Variants in OCA2 observed in about 807,000 individuals in gnomAD.
The protein encoded by OCA2 is P protein.
A neutral mutation model predicts 100.2 loss-of-function variants in OCA2; 77 were observed. The ratio of observed to expected loss-of-function variants is 0.77; its 90% CI spans 0.64 to 0.93. OCA2 has a LOEUF of 0.93. OCA2 is among the 40% of genes least tolerant of loss of function. The probability of loss-of-function intolerance (pLI) is 0.00; values close to 1 mark genes in which losing one functional copy is unlikely to be tolerated. For synonymous variants in OCA2, 432 were observed against 439.2 expected (o/e 0.98, Z 0.21); for missense variants, 1,062 against 1,089.1 (o/e 0.98, Z 0.35).
chr15:27,768,792 G>A (rs1042937672), intron 23 of OCA2, among the ~76,000 whole-genome samples: 2 of 152,296 alleles, frequency 1.3e-5, no homozygotes, highest in African/African-American at 2.4e-5. Flanking sequence ...AGTGGCACAC[G>A]CCCGAGTTTC....
chr15:27,891,785 A>G (rs1055310644), intron 19 of OCA2, among the ~76,000 whole-genome samples: 2 of 152,236 alleles, frequency 1.3e-5, no homozygotes, highest in Non-Finnish European at 2.9e-5. Context: ...TAACATATCA[A>G]TAATTACCTT....
chr15:27,789,601 C>T (rs1255344399), intron 23 of OCA2, among the ~76,000 whole-genome samples: 2 of 152,160 alleles, frequency 1.3e-5, no homozygotes, highest in African/African-American at 2.4e-5. Flanking sequence ...ACTCAGCTTT[C>T]TATGCCCTCA....
intron 1 of OCA2, among the ~76,000 whole-genome samples, chr15:28,097,892 G>C (rs2045016126): frequency 6.6e-6 from 1 of 152,160 alleles, no homozygotes; most frequent in South Asian, 2.1e-4. Flanking sequence ...CAACCCCCCA[G>C]CCACAGTGAT....
intron 23 of OCA2, among the ~76,000 whole-genome samples, chr15:27,806,604 G>T (rs992249927): frequency 1.3e-5 from 2 of 152,254 alleles, no homozygotes; most frequent in African/African-American, 4.8e-5. Flanking sequence ...GCTTCCCGCC[G>T]TCCGCTGTGC....
chr15:27,859,577 G>T (rs2036058397), intron 21 of OCA2, among the ~76,000 whole-genome samples: 1 of 152,154 alleles, frequency 6.6e-6, no homozygotes, highest in African/African-American at 2.4e-5. Context: ...CTTCACTGGT[G>T]CATTCTACCA....
At chr15:28,091,547 AT>A (rs1212088314) in intron 1 of OCA2, among the ~76,000 whole-genome samples, 3 of 152,256 alleles carry the variant, frequency 2.0e-5, no homozygotes, top group African/African-American at 7.2e-5. Flanking sequence ...TGGAGCTACC[AT>A]ATGACCTAGC....
rs536582789 is a variant in OCA2 at position 27,941,810 on chromosome 15, A to G, written c.1951+9974T>C. 3.3e-5 allele frequency among the ~76,000 whole-genome samples: 5 copies of G among 152,362 alleles called. 1 individual carries two copies. Among genetic ancestry groups the G allele is most frequent in the African/African-American group, 1.2e-4 (5 of 41,588 alleles). ...AGCAAAAGAAGGCTGTTGTTAATGT[A>G]AATCACAGCTGAAATTTCCAAACAG... On this transcript the variant is annotated intron_variant, in intron 18 of 23. Coordinates refer to ENST00000354638, the MANE Select transcript of OCA2 (RefSeq NM_000275.3).
At position 28,075,829 on chromosome 15, in the gene OCA2, CA is replaced by C. The variant is rs371066059; in HGVS notation, c.227+5818del. 4.2e-3 allele frequency among the ~76,000 whole-genome samples: 644 copies of C among 152,276 alleles called. 8 individuals are homozygous for C. Among genetic ancestry groups the C allele is most frequent in the African/African-American group, 0.015 (616 of 41,560 alleles). On this transcript the variant is annotated intron_variant, in intron 2 of 23. Transcript: ENST00000354638. The stretch of plus-strand genomic sequence containing the variant: ...TTCCATTTATTTGACATGCTTGAAA[CA>C]GGCCAAAATGTAAAAACAGAAAACA...
intron 23 of OCA2, among the ~76,000 whole-genome samples, chr15:27,839,260 G>T (rs1344474666): frequency 6.6e-6 from 1 of 151,992 alleles, no homozygotes; most frequent in Non-Finnish European, 1.5e-5. Context: ...CTTTCAAATT[G>T]CAAAGAAACA....
Position 28,057,370 on chromosome 15 carries a change from T to C in OCA2, c.227+24278A>G, listed in dbSNP as rs561524011. Among the ~76,000 whole-genome samples the C allele has an allele frequency of 2.0e-5, 3 of 152,282 alleles. No individual in the cohort carries two copies. The South Asian group carries it at 6.2e-4, about 32-fold the overall frequency. ...ACTCCAAGACATTGCCCTGTGATGT[T>C]GCCACGGCCCTCAACATAATAGCAG... On this transcript the variant is annotated intron_variant, in intron 2 of 23. Coordinates refer to ENST00000354638, the MANE Select transcript of OCA2 (RefSeq NM_000275.3).
intron 22 of OCA2, among the ~76,000 whole-genome samples, chr15:27,846,818 C>T (rs1325383573): frequency 6.6e-6 from 1 of 152,086 alleles, no homozygotes; most frequent in Non-Finnish European, 1.5e-5. Context: ...GGCTGCATAC[C>T]GCCTGGGGCC....
intron 15 of OCA2, 96 bp downstream of exon 15, chr15:27,966,594 C>T (rs1159279932): frequency 7.2e-7 from 1 of 1,389,326 alleles, no homozygotes; most frequent in East Asian, 2.3e-5. Flanking sequence ...TCCAGCAACC[C>T]ATCAACAGAT....
chr15:27,900,301 C>A (rs2037876462), intron 19 of OCA2, among the ~76,000 whole-genome samples: 1 of 152,110 alleles, frequency 6.6e-6, no homozygotes, highest in African/African-American at 2.4e-5. Context: ...TGCGCACATG[C>A]ACCCAGAGGA....
Position 27,770,001 on chromosome 15 carries a change from T to C in OCA2, c.2433-14529A>G, listed in dbSNP as rs1451713659. Among the ~76,000 whole-genome samples, 4 of 152,042 alleles carry C rather than the reference T, an allele frequency of 2.6e-5. No homozygotes were observed. The East Asian group carries it at 7.8e-4, about 30-fold the overall frequency. ...CCATCTCCTGGGTCTCCCAGGGTAA[T>C]AGTCCTTAGCTAACTCCTTTTATGA... On this transcript the variant is annotated intron_variant, in intron 23 of 23. Transcript: ENST00000354638.
At chr15:27,900,496 T>C (rs1425016829) in intron 19 of OCA2, among the ~76,000 whole-genome samples, 1 of 152,226 alleles carries the variant, frequency 6.6e-6, no homozygotes, top group Non-Finnish European at 1.5e-5. Context: ...CAAAGTATTC[T>C]TTTTCTTTTG....
At chr15:28,097,129 C>T (rs2045000482) in intron 1 of OCA2, among the ~76,000 whole-genome samples, 5 of 152,260 alleles carry the variant, frequency 3.3e-5, no homozygotes, top group Admixed American at 3.3e-4. Flanking sequence ...TCCCCGCCGC[C>T]CTGCGGAATG....
intron 19 of OCA2, among the ~76,000 whole-genome samples, chr15:27,879,152 C>T (rs548319214): frequency 2.6e-5 from 4 of 152,248 alleles, no homozygotes; most frequent in South Asian, 4.1e-4. Context: ...TAACAGCTTC[C>T]AGCTCCATCA....
At chr15:28,090,301 A>G (rs2044849778) in intron 1 of OCA2, among the ~76,000 whole-genome samples, 1 of 152,244 alleles carries the variant, frequency 6.6e-6, no homozygotes, top group South Asian at 2.1e-4. Flanking sequence ...AGAACTAGAC[A>G]GAAAATCAGT....
In OCA2 at chr15:27,989,645, C is replaced by T. The variant is rs41529845; in HGVS notation, c.1138G>A (p.Val380Met). 1.6e-5 allele frequency: 26 copies of T among 1,614,032 alleles called. No homozygotes were observed. The highest frequency in any genetic ancestry group is 2.0e-5 in the Non-Finnish European group (24 of 1,180,008). The change falls in exon 11 of 24, where the codon GTG (valine) becomes ATG (methionine). Residue 380 changes from valine (V) to methionine (M), a missense_variant. Val to Met is a conservative substitution (Grantham distance 21, BLOSUM62 1). Transcript: ENST00000354638. ...AGCGTCTCAAAATCAATCCACTCCA[C>T]CACATGGGTCAGGCTGGGTCTCTGC... ...IGDRPSLTHV[V>M]EWIDFETLAL...
Sources: allele counts gnomAD v4.1 joint callset (sites outside exome capture counted in the v4.1 genomes callset), GRCh38; gene constraint gnomAD v4.1.1; transcripts MANE v1.5; gene names NCBI Gene and HGNC (gene_info 2026-07-23, HGNC 2026-07-21).